Variants in SLC19A1 observed in about 807,000 individuals in gnomAD.
The protein encoded by SLC19A1 is solute carrier family 19 member 1, also known as reduced folate transporter.
Under a neutral mutation model 35.3 loss-of-function variants are expected in SLC19A1, and 37 were observed. The observed-to-expected ratio is 1.05, with a 90% CI of 0.81 to 1.38. SLC19A1 has a LOEUF of 1.38. Among genes scored for constraint, SLC19A1 ranks in the 40% most tolerant of loss-of-function variants. The pLI, the probability that SLC19A1 is intolerant of heterozygous loss-of-function variation, is 0.00. For missense variants in SLC19A1, 831 were observed against 826.9 expected (o/e 1.00, Z -0.06); for synonymous variants, 460 against 398.5 (o/e 1.15, Z -1.84).
chr21:45,511,088 C>CAA (rs1555876762), downstream of SLC19A1: 7 of 1,045,888 alleles, frequency 6.7e-6, 1 homozygote, highest in Non-Finnish European at 9.4e-6. Flanking sequence ...ACCACACACA[C>CAA]ATACACACGG....
rs374612166 is a variant in SLC19A1 at position 45,539,227 on chromosome 21, G to A, written c.-49-1219C>T. Among the ~76,000 whole-genome samples the A allele has an allele frequency of 1.1e-4, 17 of 152,328 alleles. No homozygotes were observed. In the South Asian group the frequency reaches 2.5e-3, roughly 22 times the overall value. ...CAGGACCTGGCCCTGGTCCCCCACA[G>A]GTGCACCTCACGTCTGTATCAGCTG... On this transcript the variant is annotated intron_variant, in intron 1 of 5. Transcript: ENST00000311124.
upstream of SLC19A1, among the ~76,000 whole-genome samples, chr21:45,548,498 C>A (rs901535568): frequency 7.2e-5 from 11 of 152,188 alleles, no homozygotes; most frequent in African/African-American, 2.7e-4. Flanking sequence ...AATCCCAGCA[C>A]TTTGGGAGGC....
chr21:45,516,403 T>G (rs978560611), intron 5 of SLC19A1, among the ~76,000 whole-genome samples: 1 of 152,202 alleles, frequency 6.6e-6, no homozygotes, highest in African/African-American at 2.4e-5. Flanking sequence ...GTGGCCTGCT[T>G]CTGCGTGGCC....
downstream of SLC19A1, chr21:45,512,493 A>C (rs1002803301): frequency 7.2e-5 from 84 of 1,164,652 alleles, 1 homozygote; most frequent in Non-Finnish European, 9.6e-5. Context: ...TGGCCCCAGG[A>C]CCTGGCTGCC....
At chr21:45,508,059 G>T (rs921712577), downstream of SLC19A1, among the ~76,000 whole-genome samples, 2 of 151,844 alleles carry the variant, frequency 1.3e-5, no homozygotes, top group Non-Finnish European at 2.9e-5. Context: ...ATGGGGAGGT[G>T]GATGGATGAG....
intron 5 of SLC19A1, among the ~76,000 whole-genome samples, chr21:45,522,447 G>T (rs1273560256): frequency 6.6e-6 from 1 of 152,156 alleles, no homozygotes; most frequent in East Asian, 1.9e-4. Context: ...TTCTTTCCTG[G>T]AAAGAAACAA....
intron 1 of SLC19A1, among the ~76,000 whole-genome samples, chr21:45,552,644 C>CTGTT (rs1348281131): frequency 6.6e-6 from 1 of 151,632 alleles, no homozygotes; most frequent in African/African-American, 2.4e-5. Flanking sequence ...CGGGACAGCC[C>CTGTT]CAGCCCCAGC....
intron 3 of SLC19A1, chr21:45,507,056 G>C (rs1378342078): frequency 3.0e-6 from 1 of 328,360 alleles, no homozygotes; most frequent in Non-Finnish European, 6.1e-6. Flanking sequence ...CCTAGCAAAC[G>C]CGTGCTGGGA....
At chr21:45,556,276 C>G (rs1294599330) in intron 1 of SLC19A1, among the ~76,000 whole-genome samples, 1 of 152,200 alleles carries the variant, frequency 6.6e-6, no homozygotes, top group Admixed American at 6.5e-5. Flanking sequence ...CTACCTCCAC[C>G]GCAGACAGAA....
At chr21:45,505,562 G>A (rs2037149211) in intron 3 of SLC19A1, 2 of 690,760 alleles carry the variant, frequency 2.9e-6, no homozygotes, top group Non-Finnish European at 5.1e-6. Context: ...GCGGTTTCCA[G>A]GGTGGAAGCG....
At chr21:45,511,996 G>A (rs1568956550), downstream of SLC19A1, among the ~76,000 whole-genome samples, 1 of 152,198 alleles carries the variant, frequency 6.6e-6, no homozygotes, top group African/African-American at 2.4e-5. Flanking sequence ...ATGGGGGGCA[G>A]TCTGGGAGAT....
downstream of SLC19A1, chr21:45,510,046 G>T (rs367807324): frequency 3.2e-6 from 5 of 1,544,460 alleles, no homozygotes; most frequent in African/African-American, 1.4e-5. Context: ...AGCCCGTGAC[G>T]CGCCCCTCTC....
chr21:45,528,310 G>A (rs1324314998), intron 4 of SLC19A1, among the ~76,000 whole-genome samples: 2 of 152,186 alleles, frequency 1.3e-5, no homozygotes, highest in African/African-American at 4.8e-5. Flanking sequence ...ATTAAAGGCA[G>A]ACGAGTGTGG....
chr21:45,512,295 C>T, downstream of SLC19A1: 1 of 1,612,282 alleles, frequency 6.2e-7, no homozygotes, highest in Admixed American at 1.7e-5. Context: ...GGCCAGGCCT[C>T]CTCGCTGCTG....
downstream of SLC19A1, chr21:45,509,532 C>T (rs1261417467): frequency 5.8e-6 from 9 of 1,538,894 alleles, no homozygotes; most frequent in Admixed American, 5.7e-5. Context: ...ACCACAGCTC[C>T]TACGTGCACC....
At chr21:45,504,222 C>T (rs2037043949) in intron 3 of SLC19A1, 1 of 933,862 alleles carries the variant, frequency 1.1e-6, no homozygotes, top group Non-Finnish European at 1.7e-6. Flanking sequence ...TGTTCCTGTC[C>T]CCGGCTCAGT....
exon 1 of SLC19A1, among the ~76,000 whole-genome samples, chr21:45,562,834 C>T (rs1219740256): frequency 6.6e-6 from 1 of 152,178 alleles, no homozygotes; most frequent in East Asian, 1.9e-4. Flanking sequence ...TAGATTCCAA[C>T]AGTCCATGGA....
chr21:45,539,236 C>T (rs1324914276), intron 1 of SLC19A1, among the ~76,000 whole-genome samples: 1 of 152,218 alleles, frequency 6.6e-6, no homozygotes, highest in African/African-American at 2.4e-5. Context: ...AGGTGCACCT[C>T]ACGTCTGTAT....
Position 45,512,718 on chromosome 21 carries a change from A to AGGATTTC in SLC19A1, c.*2933_*2939dup. 1 of 430,282 alleles carries AGGATTTC rather than the reference A, an allele frequency of 2.3e-6. No homozygotes were observed. The highest frequency in any genetic ancestry group is 2.3e-5 in the South Asian group (1 of 44,376). 26.7% of individuals were successfully genotyped at this position (430,282 alleles called of 1,614,324 possible). Reference sequence around the variant, plus strand: ...GATCAGACCACGGCTCGATTTCTCCAGGATTTCCTGCTTTGGGAAGCCGTG... The same window carrying AGGATTTC: ...GATCAGACCACGGCTCGATTTCTCCAGGATTTCGGATTTCCTGCTTTGGGAAGCCGTG... On this transcript the variant is annotated 3_prime_UTR_variant, in exon 6 of 6. Transcript: ENST00000311124.
Sources: gnomAD v4.1 joint callset for allele counts (sites outside exome capture counted in the v4.1 genomes callset) on GRCh38, gnomAD v4.1.1 for gene constraint, MANE v1.5 for transcripts, NCBI Gene and HGNC (gene_info 2026-07-23, HGNC 2026-07-21) for gene names.